The following CACNA1C variants were observed in gnomAD, a reference collection of about 807,000 sequenced individuals.
CACNA1C encodes the protein calcium voltage-gated channel subunit alpha1 C.
Under a neutral mutation model 229.0 loss-of-function variants are expected in CACNA1C, and 30 were observed. The observed-to-expected ratio is 0.13, with a 90% confidence interval of 0.10 to 0.18. CACNA1C has a LOEUF of 0.18. Among genes scored for constraint, CACNA1C ranks in the 10% least tolerant of loss-of-function variants. The pLI is 1.00. For synonymous variants in CACNA1C, 1,114 were observed against 1,132.5 expected (o/e 0.98, Z 0.33); for missense variants, 1,658 against 2,845.0 (o/e 0.58, Z 9.49).
chr12:2,387,414 G>A (rs1440308290), intron 3 of CACNA1C, among the ~76,000 whole-genome samples: 2 of 152,126 alleles, frequency 1.3e-5, no homozygotes, highest in African/African-American at 2.4e-5. Context: ...GAAACCGGGA[G>A]GCAGGGGTTG....
chr12:2,275,562 A>C lies in CACNA1C; in HGVS notation c.477+155132A>C, dbSNP rs2087472042. Among the ~76,000 whole-genome samples the C allele has an allele frequency of 6.6e-6, 1 of 150,904 alleles. No homozygotes were observed. Among genetic ancestry groups the C allele is most frequent in the African/African-American group, 2.4e-5 (1 of 40,926 alleles). Reference sequence around the variant, plus strand: ...GCCCCACCCTTGACCTGCCACCTCCATCTGCACCTGCTTGTGGAGCCTGTG... The same window carrying C: ...GCCCCACCCTTGACCTGCCACCTCCCTCTGCACCTGCTTGTGGAGCCTGTG... On this transcript the variant is annotated intron_variant, in intron 3 of 46. Transcript: ENST00000399655. This position sits in a 1 kb window ranked among gnomAD's most constrained non-coding sequence, Gnocchi z 4.1.
chr12:2,415,608 C>A (rs563763497), intron 3 of CACNA1C, among the ~76,000 whole-genome samples: 2 of 152,202 alleles, frequency 1.3e-5, no homozygotes, highest in Non-Finnish European at 2.9e-5. Context: ...GGCTGCCGCT[C>A]TCCTCTGAGT....
Position 2,627,666 on chromosome 12 carries a change from G to A in CACNA1C, c.3829-6631G>A, listed in dbSNP as rs1247078551. 2.6e-5 allele frequency among the ~76,000 whole-genome samples: 4 copies of A among 152,112 alleles called. No individual in the cohort carries two copies. The East Asian group carries it at 7.7e-4, about 29-fold the overall frequency. On this transcript the variant is annotated intron_variant, in intron 29 of 46. Coordinates refer to ENST00000399655, the MANE Select transcript of CACNA1C (RefSeq NM_000719.7). Reference sequence around the variant, plus strand: ...GACCCCCTTCCCTAGGTCCGGTGAAGCCATCTGTTGCCCCTCCCTCCCTCA... The same window carrying A: ...GACCCCCTTCCCTAGGTCCGGTGAAACCATCTGTTGCCCCTCCCTCCCTCA...
chr12:2,394,192 G>C (rs1280549229), intron 3 of CACNA1C, among the ~76,000 whole-genome samples: 1 of 151,960 alleles, frequency 6.6e-6, no homozygotes, highest in Non-Finnish European at 1.5e-5. Flanking sequence ...ACCAGCACGG[G>C]CCAGGCGGAG....
rs2059634175 is a variant in CACNA1C at position 2,067,338 on chromosome 12, G to A, written c.49+13727G>A. On this transcript the variant is annotated intron_variant, in intron 1 of 46. Transcript: ENST00000399655. The surrounding 1 kb of genome is among the most constrained non-coding windows in gnomAD (Gnocchi z 5.3). ...TGAGCTCTGAGTGGATGCACAAAGG[G>A]CCAGGTGGACTTTCTTTGGGGAGCA... 1.3e-5 allele frequency among the ~76,000 whole-genome samples: 2 copies of A among 152,094 alleles called. No homozygotes were observed. Among genetic ancestry groups the A allele is most frequent in the East Asian group, 1.9e-4 (1 of 5,178 alleles).
chr12:1,973,555 A>G (rs1202463265), intron 1 of CACNA1C, among the ~76,000 whole-genome samples: 2 of 152,234 alleles, frequency 1.3e-5, no homozygotes, highest in Non-Finnish European at 2.9e-5. Context: ...TTCATGTTAT[A>G]TCATTCAATC....
chr12:2,448,581 C>T (rs907792612), intron 3 of CACNA1C, among the ~76,000 whole-genome samples: 2 of 152,168 alleles, frequency 1.3e-5, no homozygotes, highest in East Asian at 3.8e-4. Context: ...TTTCCAGGAG[C>T]TGTGCTTTAT....
At chr12:2,060,712 C>A (rs1203523526) in intron 1 of CACNA1C, among the ~76,000 whole-genome samples, 1 of 152,186 alleles carries the variant, frequency 6.6e-6, no homozygotes, top group Non-Finnish European at 1.5e-5. Context: ...ATTCAAGCTG[C>A]CAATTTGCCA....
At chr12:2,169,317 G>A (rs181702322) in intron 3 of CACNA1C, among the ~76,000 whole-genome samples, 201 of 152,280 alleles carry the variant, frequency 1.3e-3, no homozygotes, top group Non-Finnish European at 2.3e-3. Context: ...AAATGATATT[G>A]TCTTATATGG....
At chr12:2,179,062 A>AAAAT (rs143622353) in intron 3 of CACNA1C, among the ~76,000 whole-genome samples, 15 of 151,546 alleles carry the variant, frequency 9.9e-5, no homozygotes, top group South Asian at 2.1e-4. Flanking sequence ...ACTCTGTCTC[A>AAAAT]AAATAAATAA....
chr12:2,112,315 C>T (rs1350116156), intron 1 of CACNA1C, among the ~76,000 whole-genome samples: 1 of 152,088 alleles, frequency 6.6e-6, no homozygotes, highest in African/African-American at 2.4e-5. Flanking sequence ...AGGTTAAGGT[C>T]CCGGCCTTAT....
At chr12:2,120,247 C>T in intron 2 of CACNA1C, 78 bp from the exon 3 acceptor site, 1 of 817,498 alleles carries the variant, frequency 1.2e-6, no homozygotes, top group Non-Finnish European at 2.2e-6. Context: ...ATCTTTGATT[C>T]ATTTTAAAAA....
chr12:2,124,590 T>C (rs1002584139), intron 3 of CACNA1C, among the ~76,000 whole-genome samples: 1 of 152,164 alleles, frequency 6.6e-6, no homozygotes, highest in East Asian at 1.9e-4. Flanking sequence ...GGAAGATGGC[T>C]CAGACGGAGG....
chr12:2,096,015 A>G (rs1294889401), intron 1 of CACNA1C, among the ~76,000 whole-genome samples: 1 of 152,148 alleles, frequency 6.6e-6, no homozygotes, highest in East Asian at 1.9e-4. Flanking sequence ...GCTCTGGGCT[A>G]GGCACAGAGC....
At chr12:2,624,968 G>A (rs564590875) in intron 29 of CACNA1C, among the ~76,000 whole-genome samples, 11 of 152,354 alleles carry the variant, frequency 7.2e-5, no homozygotes, top group Admixed American at 1.3e-4. Context: ...GGCCAAAGCT[G>A]TGTGGGCCAA....
intron 11 of CACNA1C, among the ~76,000 whole-genome samples, chr12:2,557,557 G>A (rs994620930): frequency 1.3e-5 from 2 of 152,188 alleles, no homozygotes; most frequent in African/African-American, 4.8e-5. Context: ...TGCACACTGA[G>A]GCCCCTGCAT....
chr12:2,015,694 C>T (rs2045251210), intron 1 of CACNA1C, among the ~76,000 whole-genome samples: 1 of 152,112 alleles, frequency 6.6e-6, no homozygotes, highest in Non-Finnish European at 1.5e-5. Flanking sequence ...GAAGTTGGGC[C>T]CTGGTCAGTC....
chr12:2,106,794 T>G (rs1468137742), intron 1 of CACNA1C, among the ~76,000 whole-genome samples: 18 of 128,516 alleles, frequency 1.4e-4, no homozygotes, highest in Non-Finnish European at 2.4e-4. Context: ...CTGAAGCCAC[T>G]GGGTGCTCAC....
At position 2,467,082 on chromosome 12, in the gene CACNA1C, G is replaced by A. The variant is rs1463999024; in HGVS notation, c.757+9376G>A. 2.0e-5 allele frequency among the ~76,000 whole-genome samples: 3 copies of A among 152,158 alleles called. No homozygotes were observed. The highest frequency in any genetic ancestry group is 2.1e-4 in the South Asian group (1 of 4,828). ...TGTGCAGGGGGCCACCCCTGAGGCC[G>A]TCCCTCATTCTCCTTCACACAGCGC... On this transcript the variant is annotated intron_variant, in intron 5 of 46. Transcript: ENST00000399655. The surrounding 1 kb of genome is among the most constrained non-coding windows in gnomAD (Gnocchi z 4.6).
Sources: gnomAD v4.1 joint callset for allele counts (sites outside exome capture counted in the v4.1 genomes callset) on GRCh38, gnomAD v4.1.1 for gene constraint, Gnocchi (gnomAD v3.1) non-coding constraint, MANE v1.5 for transcripts, NCBI Gene and HGNC (gene_info 2026-07-23, HGNC 2026-07-21) for gene names.